The following DZIP3 variants were observed in gnomAD, a reference collection of about 807,000 sequenced individuals.
DZIP3 encodes DAZ interacting zinc finger protein 3.
A neutral mutation model predicts 162.0 loss-of-function variants in DZIP3; 118 were observed. The ratio of observed to expected loss-of-function variants is 0.73; its 90% CI spans 0.63 to 0.85. The LOEUF is 0.85. Ranked by LOEUF, DZIP3 falls within the 40% of genes least tolerant of loss-of-function variation. The probability of loss-of-function intolerance (pLI) is 0.00; values close to 1 mark genes in which losing one functional copy is unlikely to be tolerated. For missense variants in DZIP3, 1,331 were observed against 1,407.0 expected, an observed-to-expected ratio of 0.95 and a Z score of 0.86; for synonymous variants, 438 against 458.6, an observed-to-expected ratio of 0.96 and a Z score of 0.57.
intron 9 of DZIP3, among the ~76,000 whole-genome samples, chr3:108,634,513 G>A (rs2107609618): frequency 6.6e-6 from 1 of 152,192 alleles, no homozygotes; most frequent in South Asian, 2.1e-4. Context: ...TAATGGTATG[G>A]AGCTGGGGAT....
intron 19 of DZIP3, among the ~76,000 whole-genome samples, chr3:108,657,625 A>G (rs1004297041): frequency 1.2e-4 from 19 of 152,208 alleles, no homozygotes; most frequent in Admixed American, 1.2e-3. Context: ...ACAGGATCAA[A>G]TTCACACATA....
intron 26 of DZIP3, among the ~76,000 whole-genome samples, chr3:108,682,848 A>G (rs560874098): frequency 6.6e-6 from 1 of 150,950 alleles, no homozygotes; most frequent in East Asian, 1.9e-4. Flanking sequence ...GTATACATGT[A>G]TGAAAACCTC....
At chr3:108,598,293 A>G (rs1939811574) in intron 1 of DZIP3, among the ~76,000 whole-genome samples, 2 of 152,192 alleles carry the variant, frequency 1.3e-5, no homozygotes, top group South Asian at 4.1e-4. Flanking sequence ...ATTAGCTATG[A>G]GACTCTATAA....
rs1406390768 is a variant in DZIP3, at chr3:108,662,161, T to C, written c.2327T>C (p.Phe776Ser). 1.2e-6 allele frequency: 2 copies of C among 1,607,680 alleles called. No homozygotes were observed. Among genetic ancestry groups the C allele is most frequent in the East Asian group, 2.2e-5 (1 of 44,786 alleles). The change falls in exon 21 of 33, where the codon TTT becomes TCT. Residue 776 changes from phenylalanine to serine, a missense_variant. Physicochemically the swap from Phe to Ser is radical, Grantham distance 155. Around this residue, in one of 2 missense-constraint regions of DZIP3, gnomAD observed 1,278 missense variants for 1,317.1 expected, o/e 0.97. Transcript: ENST00000361582. Reference protein sequence around the residue: ...DFKRQLRTVTFRWQENQMQIK... With the variant: ...DFKRQLRTVTSRWQENQMQIK... ...AAAAGACAGTTGAGAACAGTGACTT[T>C]TCGGTGGCAAGAAAACCAAATGCAG...
intron 5 of DZIP3, among the ~76,000 whole-genome samples, chr3:108,623,457 A>G (rs954632760): frequency 1.3e-5 from 2 of 152,142 alleles, no homozygotes; most frequent in African/African-American, 2.4e-5. Flanking sequence ...GTGTCTAGAA[A>G]TATTGTCTTG....
At chr3:108,658,554 G>A (rs1441502836) in intron 19 of DZIP3, among the ~76,000 whole-genome samples, 1 of 151,868 alleles carries the variant, frequency 6.6e-6, no homozygotes, top group South Asian at 2.1e-4. Context: ...ATCTAAAATT[G>A]ACACCCTAAC....
At chr3:108,656,142 A>G (rs2107260515) in intron 19 of DZIP3, among the ~76,000 whole-genome samples, 1 of 152,304 alleles carries the variant, frequency 6.6e-6, no homozygotes, top group African/African-American at 2.4e-5. Flanking sequence ...CTTTGAAGAG[A>G]GTAGTGGTTC....
chr3:108,611,191 C>T lies in DZIP3; in HGVS notation c.120C>T (p.Asp40=). ...TCTTCTAGAACAAACAGGAAAATGA[C>T]ATACCTACTGATCTTGTCCCTGTTA... The part of the protein sequence containing the change: ...SSGQLNKQEN[D]IPTDLVPVNL... The change falls in exon 4 of 33, where the codon GAC becomes GAT. Residue 40 remains aspartate (D), a synonymous_variant. Transcript: ENST00000361582. 1.3e-6 allele frequency: 2 copies of T among 1,593,074 alleles called. No homozygotes were observed. The highest frequency in any genetic ancestry group is 1.7e-6 in the Non-Finnish European group (2 of 1,174,878).
chr3:108,618,194 G>A (rs1419443261), intron 5 of DZIP3, among the ~76,000 whole-genome samples: 2 of 152,170 alleles, frequency 1.3e-5, no homozygotes, highest in African/African-American at 4.8e-5. Context: ...AGGGGCTTTA[G>A]GTTAGAAATG....
intron 10 of DZIP3, 25 bp downstream of exon 10, chr3:108,634,997 C>A (rs1430171297): frequency 7.2e-7 from 1 of 1,387,122 alleles, no homozygotes; most frequent in Non-Finnish European, 1.0e-6. Flanking sequence ...CTTAAAACTA[C>A]AACAGCATTT....
intron 13 of DZIP3, 65 bp downstream of exon 13, chr3:108,642,579 A>C: frequency 7.2e-7 from 1 of 1,381,766 alleles, no homozygotes. Flanking sequence ...TTCTCTGTCA[A>C]CTTTCATGCC....
At chr3:108,665,935 A>G (rs1177616407) in intron 21 of DZIP3, among the ~76,000 whole-genome samples, 1 of 152,182 alleles carries the variant, frequency 6.6e-6, no homozygotes, top group Non-Finnish European at 1.5e-5. Flanking sequence ...TAGCAAATTC[A>G]TATATCTTAC....
intron 26 of DZIP3, among the ~76,000 whole-genome samples, chr3:108,680,209 G>A (rs898252806): frequency 6.6e-6 from 1 of 152,048 alleles, no homozygotes; most frequent in Non-Finnish European, 1.5e-5. Context: ...GAAAAAGTTA[G>A]AAGTGTTTCC....
chr3:108,655,206 C>G (rs1346355692), intron 19 of DZIP3, among the ~76,000 whole-genome samples: 1 of 152,070 alleles, frequency 6.6e-6, no homozygotes, highest in Non-Finnish European at 1.5e-5. Flanking sequence ...ATTCAAAACC[C>G]ATTTATCACC....
rs573788487 is a variant in DZIP3, at chr3:108,611,094, A to G, written c.103-80A>G. On this transcript the variant is annotated intron_variant, in intron 3 of 32. Coordinates refer to ENST00000361582, the MANE Select transcript of DZIP3 (RefSeq NM_014648.4). The stretch of plus-strand genomic sequence containing the variant: ...GGAAAATGAGCTTTGTTCCTTTTTT[A>G]ATGCTTTGGCTGATCTTAGAATTAA... 1.2e-5 allele frequency: 16 copies of G among 1,361,718 alleles called. No individual in the cohort carries two copies. The African/African-American group carries it at 2.2e-4, about 19-fold the overall frequency. The allele number at this position is 1,361,718 out of a possible 1,614,324, so 84.4% of individuals were successfully genotyped here.
At position 108,694,392 on chromosome 3, in the gene DZIP3, G is replaced by A. The variant is rs146558621; in HGVS notation, c.*1039G>A. The A allele has an allele frequency of 6.5e-3, 1,021 of 156,990 alleles. 10 individuals carry two copies. Among genetic ancestry groups the A allele is most frequent in the African/African-American group, 0.023 (974 of 41,614 alleles). 9.7% of individuals were successfully genotyped at this position (156,990 alleles called of 1,614,324 possible). A position where few individuals can be genotyped will look rare whatever the true frequency, so the allele number is the denominator to read the frequency against. ...TGTATTAGTCCATTTTCATGCTGCT[G>A]ATAAAGACATACCTGAGATTGGGCA... On this transcript the variant is annotated 3_prime_UTR_variant, in exon 33 of 33. Transcript: ENST00000361582.
chr3:108,617,845 G>T (rs1322669498), intron 5 of DZIP3, among the ~76,000 whole-genome samples: 1 of 152,174 alleles, frequency 6.6e-6, no homozygotes, highest in African/African-American at 2.4e-5. Context: ...AAATCAATGT[G>T]AAATCAGCCT....
At chr3:108,667,368 T>C (rs1042608427) in intron 21 of DZIP3, among the ~76,000 whole-genome samples, 1 of 152,178 alleles carries the variant, frequency 6.6e-6, no homozygotes, top group African/African-American at 2.4e-5. Flanking sequence ...CAGAAGATTA[T>C]GCTGATTGAA....
intron 7 of DZIP3, 67 bp from the exon 8 acceptor site, chr3:108,628,995 T>C: frequency 1.1e-6 from 1 of 944,546 alleles, no homozygotes; most frequent in East Asian, 2.8e-5. Context: ...TTATTTGTTG[T>C]CTCATTGGTA....
Sources: gnomAD v4.1 joint callset for allele counts (sites outside exome capture counted in the v4.1 genomes callset) on GRCh38, gnomAD v4.1.1 for gene constraint, gnomAD v4.1.1 regional missense constraint, MANE v1.5 for transcripts, NCBI Gene and HGNC (gene_info 2026-07-23, HGNC 2026-07-21) for gene names.